Variants in CSTPP1 observed in about 807,000 individuals in gnomAD.
The protein encoded by CSTPP1 is centriolar satellite-associated tubulin polyglutamylase complex regulator 1, also known as UPF0705 protein C11orf49.
the CSTPP1 span, among the ~76,000 whole-genome samples, chr11:47,138,919 G>A: frequency 7.9e-6 from 1 of 127,152 alleles, no homozygotes; most frequent in South Asian, 2.7e-4. Flanking sequence ...GGCGGAGGTT[G>A]CAGTGAGCAG....
At chr11:47,119,848 T>C in the CSTPP1 span, among the ~76,000 whole-genome samples, 1 of 152,148 alleles carries the variant, frequency 6.6e-6, no homozygotes, top group Admixed American at 6.5e-5. Flanking sequence ...TGACCTCAGA[T>C]GATCTGCCCA....
chr11:47,161,182 G>A, the CSTPP1 span: 1 of 1,614,154 alleles, frequency 6.2e-7, no homozygotes, highest in Admixed American at 1.7e-5. Context: ...ATGAAGAGCT[G>A]GAACGGCTGT....
the CSTPP1 span, among the ~76,000 whole-genome samples, chr11:47,119,039 T>A: frequency 8.5e-4 from 130 of 152,364 alleles, 4 homozygotes; most frequent in South Asian, 0.025. Context: ...CTGCTGCCTT[T>A]TGTTCAGCTA....
the CSTPP1 span, chr11:47,159,839 T>C: frequency 2.1e-5 from 8 of 377,146 alleles, no homozygotes; most frequent in South Asian, 1.6e-4. Context: ...ACCCCGTCTC[T>C]ACTGAAAATA....
chr11:47,070,718 G>C, the CSTPP1 span, among the ~76,000 whole-genome samples: 2 of 152,170 alleles, frequency 1.3e-5, no homozygotes, highest in Admixed American at 1.3e-4. Context: ...ACACACTGAA[G>C]CTTGAGAACT....
chr11:46,943,039 C>G, the CSTPP1 span, among the ~76,000 whole-genome samples: 16 of 152,310 alleles, frequency 1.1e-4, 1 homozygote, highest in South Asian at 3.3e-3. Context: ...TTTTACTCAT[C>G]ATTGTCAACC....
the CSTPP1 span, among the ~76,000 whole-genome samples, chr11:47,101,441 T>C: frequency 6.6e-6 from 1 of 151,908 alleles, no homozygotes; most frequent in African/African-American, 2.4e-5. Context: ...TTTTAAGATG[T>C]GGTTAGTTCC....
the CSTPP1 span, among the ~76,000 whole-genome samples, chr11:46,956,410 G>C: frequency 1.3e-5 from 2 of 152,158 alleles, no homozygotes; most frequent in African/African-American, 4.8e-5. Flanking sequence ...AGAACACGGA[G>C]GAAGACCAAT....
the CSTPP1 span, among the ~76,000 whole-genome samples, chr11:47,108,799 T>C: frequency 2.6e-5 from 4 of 151,412 alleles, no homozygotes; most frequent in Non-Finnish European, 4.4e-5. Context: ...CTCGGCCTCT[T>C]GGGTTCAAGC....
At chr11:47,123,974 C>T in the CSTPP1 span, among the ~76,000 whole-genome samples, 4 of 151,840 alleles carry the variant, frequency 2.6e-5, no homozygotes, top group Non-Finnish European at 2.9e-5. Flanking sequence ...ACAAATTATG[C>T]GCTACCCAGT....
At chr11:47,127,066 T>C in the CSTPP1 span, among the ~76,000 whole-genome samples, 37 of 152,206 alleles carry the variant, frequency 2.4e-4, no homozygotes, top group Admixed American at 2.4e-3. Flanking sequence ...AAAAGCAGGT[T>C]GGGTTCCCAG....
the CSTPP1 span, among the ~76,000 whole-genome samples, chr11:47,007,939 C>A: frequency 6.6e-6 from 1 of 152,006 alleles, no homozygotes; most frequent in African/African-American, 2.4e-5. Context: ...GTCCCAGCCC[C>A]CAACGTGGGT....
At chr11:47,013,672 T>G in the CSTPP1 span, among the ~76,000 whole-genome samples, 1 of 152,230 alleles carries the variant, frequency 6.6e-6, no homozygotes, top group Non-Finnish European at 1.5e-5. Flanking sequence ...GGGTTGATTC[T>G]ATGTCTTTGC....
the CSTPP1 span, among the ~76,000 whole-genome samples, chr11:47,152,327 C>A: frequency 6.6e-5 from 10 of 152,130 alleles, no homozygotes; most frequent in Non-Finnish European, 1.5e-4. Context: ...CCTACCCTCC[C>A]ACGGTGTGCG....
At chr11:47,054,753 A>T in the CSTPP1 span, among the ~76,000 whole-genome samples, 1 of 152,112 alleles carries the variant, frequency 6.6e-6, no homozygotes, top group African/African-American at 2.4e-5. Flanking sequence ...CCCAACACTA[A>T]GGCAGTATGG....
the CSTPP1 span, among the ~76,000 whole-genome samples, chr11:47,049,865 G>C: frequency 6.6e-6 from 1 of 151,754 alleles, no homozygotes; most frequent in Admixed American, 6.6e-5. Context: ...GGGTAGAAAA[G>C]AATTAAAACA....
the CSTPP1 span, among the ~76,000 whole-genome samples, chr11:47,054,750 C>G: frequency 6.6e-6 from 1 of 152,080 alleles, no homozygotes; most frequent in Admixed American, 6.6e-5. Flanking sequence ...AGACCCAACA[C>G]TAAGGCAGTA....
chr11:47,137,184 A>G, the CSTPP1 span: 3 of 946,212 alleles, frequency 3.2e-6, no homozygotes, highest in African/African-American at 5.1e-5. Context: ...TTCTCCCTAC[A>G]CAGCAAGACT....
the CSTPP1 span, among the ~76,000 whole-genome samples, chr11:47,133,046 A>G: frequency 2.6e-5 from 4 of 152,230 alleles, no homozygotes; most frequent in Non-Finnish European, 5.9e-5. Flanking sequence ...CTGTCATTTC[A>G]TAGATGGGGA....
Sources: gnomAD v4.1 joint callset for allele counts (sites outside exome capture counted in the v4.1 genomes callset) on GRCh38, gnomAD v4.1.1 for gene constraint, MANE v1.5 for transcripts, NCBI Gene and HGNC (gene_info 2026-07-23, HGNC 2026-07-21) for gene names.